Variants in TMEM242 observed in about 807,000 individuals in gnomAD.
The protein encoded by TMEM242 is UPF0463 transmembrane protein C6orf35.
Under a neutral mutation model 18.2 loss-of-function variants are expected in TMEM242, and 10 were observed. The ratio of observed to expected loss-of-function variants is 0.55; its 90% CI spans 0.34 to 0.93. The LOEUF (loss-of-function observed/expected upper bound fraction) is 0.93, where lower values mean the gene tolerates loss of function less well. Ranked by LOEUF, TMEM242 falls within the 40% of genes least tolerant of loss-of-function variation. The probability of loss-of-function intolerance (pLI) is 0.02; values close to 1 mark genes in which losing one functional copy is unlikely to be tolerated. For missense variants in TMEM242, 186 were observed against 175.5 expected, an observed-to-expected ratio of 1.06 and a Z score of -0.34; for synonymous variants, 57 against 69.9, an observed-to-expected ratio of 0.81 and a Z score of 0.92.
At chr6:157,310,333 A>C (rs763081446) in intron 3 of TMEM242, among the ~76,000 whole-genome samples, 109 of 10,852 alleles carry the variant, frequency 0.01, no homozygotes, top group Non-Finnish European at 0.019. Flanking sequence ...AACTTAAACT[A>C]TCTGTCTTGA....
At chr6:157,311,187 C>T (rs1327861198) in intron 3 of TMEM242, among the ~76,000 whole-genome samples, 2 of 138,590 alleles carry the variant, frequency 1.4e-5, no homozygotes, top group Admixed American at 1.5e-4. Flanking sequence ...TGTGCGCTCA[C>T]CCAGCCTGAT....
intron 3 of TMEM242, among the ~76,000 whole-genome samples, chr6:157,311,336 T>C (rs797038612): frequency 9.3e-6 from 1 of 107,594 alleles, no homozygotes; most frequent in East Asian, 2.9e-4. Context: ...AGCCTCATCA[T>C]AGTGTCCCAG....
intron 2 of TMEM242, among the ~76,000 whole-genome samples, chr6:157,321,146 C>A (rs1488395247): frequency 2.6e-5 from 4 of 151,794 alleles, no homozygotes; most frequent in African/African-American, 7.3e-5. Context: ...GTAGCTGGGA[C>A]TACAGGCACC....
intron 3 of TMEM242, 107 bp downstream of exon 3, chr6:157,318,675 A>T: frequency 7.3e-7 from 1 of 1,375,098 alleles, no homozygotes; most frequent in Non-Finnish European, 1.0e-6. Flanking sequence ...TCATCTCCCT[A>T]GACAGTGACC....
chr6:157,323,511 C>T lies in TMEM242; in HGVS notation c.-12G>A. On this transcript the variant is annotated 5_prime_UTR_variant, in exon 1 of 4. Transcript: ENST00000400788. ...CCCGCTGTCTCCATGTTTAGGTCGC[C>T]TCTAGTGCGTCCGTCCCCAACTGGG... 6.2e-7 allele frequency: 1 copy of T among 1,609,772 alleles called. No homozygotes were observed. Among genetic ancestry groups the T allele is most frequent in the Non-Finnish European group, 8.5e-7 (1 of 1,177,000 alleles).
At chr6:157,303,188 G>C (rs113016423) in intron 3 of TMEM242, among the ~76,000 whole-genome samples, 2 of 152,224 alleles carry the variant, frequency 1.3e-5, no homozygotes, top group African/African-American at 2.4e-5. Flanking sequence ...CTCTAGAACA[G>C]AGCTGGGCCC....
intron 2 of TMEM242, among the ~76,000 whole-genome samples, chr6:157,319,501 C>A (rs1323587095): frequency 6.6e-6 from 1 of 152,286 alleles, no homozygotes; most frequent in South Asian, 2.1e-4. Context: ...AATTACTTCG[C>A]CACTTTTAGC....
At chr6:157,304,280 A>C (rs782261261) in intron 3 of TMEM242, among the ~76,000 whole-genome samples, 23 of 152,136 alleles carry the variant, frequency 1.5e-4, no homozygotes, top group Middle Eastern at 3.4e-3. Context: ...AGCCTGGTCA[A>C]CATGGTGAAA....
At chr6:157,297,476 G>A (rs987226130) in intron 3 of TMEM242, among the ~76,000 whole-genome samples, 2 of 152,062 alleles carry the variant, frequency 1.3e-5, no homozygotes, top group Non-Finnish European at 2.9e-5. Context: ...CTCAAATTCC[G>A]CAGCTGAGCT....
chr6:157,306,784 G>GA lies in TMEM242; in HGVS notation c.327+11997dup, dbSNP rs587637211. On this transcript the variant is annotated intron_variant, in intron 3 of 3. Transcript: ENST00000400788. ...CTGGAATCGAGAAAACTCATAAAAA[G>GA]AATAAAGGAAGAACTATAAAAGCCT... is the stretch of plus-strand genomic sequence containing the variant. Among the ~76,000 whole-genome samples the GA allele has an allele frequency of 1.8e-3, 268 of 152,224 alleles. 1 individual carries two copies. The highest frequency in any genetic ancestry group is 6.0e-3 in the African/African-American group (249 of 41,546).
Position 157,290,745 on chromosome 6 carries a change from C to T in TMEM242, c.*2156G>A, listed in dbSNP as rs6605502. On this transcript the variant is annotated 3_prime_UTR_variant, in exon 4 of 4. Transcript: ENST00000400788. ...AATTTCCATCTGTGCATTACTTCACCTTTGCTTTTAAGATGCAATTGGAGC... is the reference window on the plus strand; with the variant it reads ...AATTTCCATCTGTGCATTACTTCACTTTTGCTTTTAAGATGCAATTGGAGC... 0.65 allele frequency: 98,257 copies of T among 152,130 alleles called. 32,967 individuals carry two copies. The highest frequency in any genetic ancestry group is 0.96 in the East Asian group (4,989 of 5,184). 9.4% of individuals were successfully genotyped at this position (152,130 alleles called of 1,614,324 possible).
intron 3 of TMEM242, among the ~76,000 whole-genome samples, chr6:157,295,624 G>A (rs781832605): frequency 3.9e-5 from 6 of 152,110 alleles, no homozygotes; most frequent in Non-Finnish European, 7.3e-5. Context: ...GCTCTCCTTC[G>A]GCAGGGTTAC....
At chr6:157,306,586 A>G (rs1386312967) in intron 3 of TMEM242, among the ~76,000 whole-genome samples, 1 of 152,180 alleles carries the variant, frequency 6.6e-6, no homozygotes, top group East Asian at 1.9e-4. Flanking sequence ...GTGTCCAGTC[A>G]ACTGGGCCCA....
At chr6:157,295,563 G>C (rs1002237003) in intron 3 of TMEM242, among the ~76,000 whole-genome samples, 1 of 152,218 alleles carries the variant, frequency 6.6e-6, no homozygotes, top group African/African-American at 2.4e-5. Context: ...TGAGAAGGGA[G>C]AGGCTGGGAA....
At chr6:157,312,169 C>T (rs1583568269) in intron 3 of TMEM242, among the ~76,000 whole-genome samples, 2 of 147,244 alleles carry the variant, frequency 1.4e-5, no homozygotes, top group Non-Finnish European at 3.0e-5. Flanking sequence ...CCAGTGTGCA[C>T]TCACCCGGCC....
In TMEM242 at chr6:157,312,821, C is replaced by G. The variant is rs587645327; in HGVS notation, c.327+5961G>C. On this transcript the variant is annotated intron_variant, in intron 3 of 3. Transcript: ENST00000400788. ...GCCCCAGTGTGAACTCAACTAGCCT[C>G]ATCATAGTGCCACAGTGTGCACTCA... Among the ~76,000 whole-genome samples the G allele has an allele frequency of 2.1e-4, 25 of 116,426 alleles. 1 individual carries two copies. Among genetic ancestry groups the G allele is most frequent in the Admixed American group, 1.0e-3 (12 of 11,910 alleles). The allele number at this position is 116,426 out of a possible 152,430, so 76.4% of individuals were successfully genotyped here. A position where few individuals can be genotyped will look rare whatever the true frequency, so the allele number is the denominator to read the frequency against.
intron 1 of TMEM242, among the ~76,000 whole-genome samples, chr6:157,323,007 G>C (rs972791478): frequency 7.2e-5 from 11 of 152,182 alleles, no homozygotes; most frequent in Admixed American, 6.5e-4. Context: ...ACGACCTCTG[G>C]TTCCTTGGGT....
chr6:157,291,941 C>T lies in TMEM242; in HGVS notation c.*960G>A, dbSNP rs1777689280. 1 of 152,114 alleles carries T rather than the reference C, an allele frequency of 6.6e-6. No homozygotes were observed. Among genetic ancestry groups the T allele is most frequent in the African/African-American group, 2.4e-5 (1 of 41,400 alleles). 9.4% of individuals were successfully genotyped at this position (152,114 alleles called of 1,614,324 possible). On this transcript the variant is annotated 3_prime_UTR_variant, in exon 4 of 4. Coordinates refer to ENST00000400788, the MANE Select transcript of TMEM242 (RefSeq NM_018452.6). Reference sequence around the variant, plus strand: ...TTTTAAAATACAATTGCAGTAAAAACAATTGCATGTAGACATTATTCTCCA... The same window carrying T: ...TTTTAAAATACAATTGCAGTAAAAATAATTGCATGTAGACATTATTCTCCA...
intron 3 of TMEM242, among the ~76,000 whole-genome samples, chr6:157,307,031 A>G (rs961900390): frequency 3.3e-4 from 50 of 152,240 alleles, no homozygotes; most frequent in African/African-American, 1.1e-3. Flanking sequence ...CAAACTGTAC[A>G]TATCAACTAT....
Sources: allele counts gnomAD v4.1 joint callset (sites outside exome capture counted in the v4.1 genomes callset), GRCh38; gene constraint gnomAD v4.1.1; transcripts MANE v1.5; gene names NCBI Gene and HGNC (gene_info 2026-07-23, HGNC 2026-07-21).